Variants in GALM observed in about 807,000 individuals in gnomAD.
The protein encoded by GALM is galactose mutarotase, also known as aldose 1-epimerase.
A neutral mutation model predicts 37.4 loss-of-function variants in GALM; 43 were observed. The observed-to-expected ratio is 1.15, with a 90% CI of 0.90 to 1.48. The LOEUF (loss-of-function observed/expected upper bound fraction) is 1.48, where lower values mean the gene tolerates loss of function less well. GALM is among the 40% of genes most tolerant of loss of function. The pLI is 0.00. For synonymous variants in GALM, 199 were observed against 170.6 expected (o/e 1.17, Z -1.30); for missense variants, 456 against 419.1 (o/e 1.09, Z -0.77).
intron 1 of GALM, among the ~76,000 whole-genome samples, chr2:38,673,669 G>A (rs1665168997): frequency 6.6e-6 from 1 of 152,090 alleles, no homozygotes; most frequent in Non-Finnish European, 1.5e-5. Flanking sequence ...AATAAGCCGG[G>A]CATGGTGGCG....
chr2:38,691,202 A>G (rs1319531341), intron 4 of GALM, among the ~76,000 whole-genome samples: 1 of 152,204 alleles, frequency 6.6e-6, no homozygotes, highest in Non-Finnish European at 1.5e-5. Flanking sequence ...ATAAGTGCAT[A>G]TTTATTTGTG....
intron 2 of GALM, chr2:38,680,104 A>T (rs1665359159): frequency 2.2e-6 from 1 of 450,728 alleles, no homozygotes; most frequent in East Asian, 7.3e-5. Flanking sequence ...CTGCAGCCTC[A>T]ACCTCCTGGG....
rs56902027 is a variant in GALM at position 38,717,306 on chromosome 2, AGTGTGTGTGTGTGTGTGTGTGT to A, written c.635-12231_635-12210del. On this transcript the variant is annotated intron_variant, in intron 4 of 6. Coordinates refer to ENST00000272252, the MANE Select transcript of GALM (RefSeq NM_138801.3). ...TAATACCTGGTCTCTGTATTAAGGG[AGTGTGTGTGTGTGTGTGTGTGT>A]GTGTGTGTGTGTGTGTGTATAAAAG... 8.3e-5 allele frequency among the ~76,000 whole-genome samples: 12 copies of A among 143,750 alleles called. No individual in the cohort carries two copies. In the South Asian group the frequency reaches 2.0e-3, roughly 24 times the overall value. 94.3% of individuals were successfully genotyped at this position (143,750 alleles called of 152,430 possible).
At chr2:38,716,450 C>T (rs186160669) in intron 4 of GALM, among the ~76,000 whole-genome samples, 108 of 152,270 alleles carry the variant, frequency 7.1e-4, no homozygotes, top group African/African-American at 2.4e-3. Context: ...GACGGTGCAA[C>T]TTGTTTTGTG....
At chr2:38,714,376 G>A (rs573039196) in intron 4 of GALM, among the ~76,000 whole-genome samples, 6 of 152,044 alleles carry the variant, frequency 3.9e-5, no homozygotes, top group African/African-American at 9.6e-5. Context: ...CACCACACTC[G>A]GCTAATTTTT....
intron 2 of GALM, among the ~76,000 whole-genome samples, chr2:38,678,792 G>C (rs1335992308): frequency 1.3e-5 from 2 of 152,174 alleles, no homozygotes. Context: ...AAAGTGGACA[G>C]ATCCTGGGCT....
intron 1 of GALM, among the ~76,000 whole-genome samples, chr2:38,670,624 T>C (rs898142049): frequency 3.9e-5 from 6 of 152,218 alleles, no homozygotes; most frequent in African/African-American, 1.4e-4. Context: ...TGGGCTGTGA[T>C]ATGTGTCTAA....
At chr2:38,725,521 A>AGTTC (rs1666468040) in intron 4 of GALM, among the ~76,000 whole-genome samples, 1 of 149,594 alleles carries the variant, frequency 6.7e-6, no homozygotes, top group Non-Finnish European at 1.5e-5. Context: ...GGGTAACAGA[A>AGTTC]CGAGACCCTC....
At chr2:38,724,298 C>T (rs1429125329) in intron 4 of GALM, among the ~76,000 whole-genome samples, 1 of 152,080 alleles carries the variant, frequency 6.6e-6, no homozygotes, top group Non-Finnish European at 1.5e-5. Flanking sequence ...GTAATTATGT[C>T]ATAATATGAT....
At chr2:38,671,811 G>T (rs1489492269) in intron 1 of GALM, among the ~76,000 whole-genome samples, 1 of 151,990 alleles carries the variant, frequency 6.6e-6, no homozygotes, top group Admixed American at 6.6e-5. Flanking sequence ...GGGCAACACA[G>T]GGACACTCTG....
intron 1 of GALM, among the ~76,000 whole-genome samples, chr2:38,666,778 C>G (rs13021698): frequency 6.6e-6 from 1 of 152,202 alleles, no homozygotes; most frequent in South Asian, 2.1e-4. Context: ...CTTCTACTTC[C>G]TTCTTCCTTG....
At chr2:38,670,879 C>G (rs1486963041) in intron 1 of GALM, among the ~76,000 whole-genome samples, 1 of 152,012 alleles carries the variant, frequency 6.6e-6, no homozygotes, top group Non-Finnish European at 1.5e-5. Context: ...TTCATATAAC[C>G]AAAGGATAAG....
chr2:38,722,493 G>A (rs1454038102), intron 4 of GALM, among the ~76,000 whole-genome samples: 1 of 152,166 alleles, frequency 6.6e-6, no homozygotes. Context: ...CTGCTGCCCA[G>A]ACCTTAATAC....
At chr2:38,673,343 G>C (rs1236787508) in intron 1 of GALM, among the ~76,000 whole-genome samples, 2 of 152,210 alleles carry the variant, frequency 1.3e-5, no homozygotes, top group African/African-American at 2.4e-5. Context: ...GTGAAAACTA[G>C]AGTGGAAAGT....
intron 3 of GALM, among the ~76,000 whole-genome samples, chr2:38,687,978 G>C (rs1665579665): frequency 6.6e-6 from 1 of 152,042 alleles, no homozygotes; most frequent in South Asian, 2.1e-4. Flanking sequence ...TTGGGAGGCT[G>C]AGGTGGGTGG....
At position 38,731,882 on chromosome 2, in the gene GALM, T is replaced by C. The variant is rs1414228655; in HGVS notation, c.924T>C (p.Thr308=). The C allele has an allele frequency of 6.2e-7, 1 of 1,614,160 alleles. No individual in the cohort carries two copies. Among genetic ancestry groups the C allele is most frequent in the Middle Eastern group, 1.7e-4 (1 of 6,056 alleles). ...YPKHSGFCLE[T]QNWPDAVNQP... ...AGCACTCCGGTTTCTGCCTGGAGACTCAGAACTGGCCTGATGCAGTCAATC... is the reference window on the plus strand; with the variant it reads ...AGCACTCCGGTTTCTGCCTGGAGACCCAGAACTGGCCTGATGCAGTCAATC... Residue 308 remains threonine, a synonymous_variant, in exon 6 of 7, where the codon ACT becomes ACC. Transcript: ENST00000272252.
Position 38,733,612 on chromosome 2 carries a change from G to T in GALM, c.*47G>T. 7.4e-7 allele frequency: 1 copy of T among 1,348,120 alleles called. No individual in the cohort carries two copies. The highest frequency in any genetic ancestry group is 1.1e-6 in the Non-Finnish European group (1 of 938,758). 83.5% of individuals were successfully genotyped at this position (1,348,120 alleles called of 1,614,324 possible). A position where few individuals can be genotyped will look rare whatever the true frequency, so the allele number is the denominator to read the frequency against. ...AGTCCAGGGCTAGGCTCAGCCACCT[G>T]TCTCCTGTCCAGAAAAAAGGTGAAG... On this transcript the variant is annotated 3_prime_UTR_variant, in exon 7 of 7. Coordinates refer to ENST00000272252, the MANE Select transcript of GALM (RefSeq NM_138801.3).
intron 4 of GALM, among the ~76,000 whole-genome samples, chr2:38,710,581 T>C (rs1391899897): frequency 6.6e-6 from 1 of 152,052 alleles, no homozygotes; most frequent in African/African-American, 2.4e-5. Context: ...TTTAAAAAAT[T>C]TGTTGTAGAG....
At chr2:38,674,250 C>T (rs531272646) in intron 1 of GALM, among the ~76,000 whole-genome samples, 1 of 149,216 alleles carries the variant, frequency 6.7e-6, no homozygotes, top group South Asian at 2.1e-4. Flanking sequence ...AGTGCAATGG[C>T]ATGATCTTGG....
Sources: allele counts gnomAD v4.1 joint callset (sites outside exome capture counted in the v4.1 genomes callset), GRCh38; gene constraint gnomAD v4.1.1; transcripts MANE v1.5; gene names NCBI Gene and HGNC (gene_info 2026-07-23, HGNC 2026-07-21).